Variants in OPCML observed in about 807,000 individuals in gnomAD.
OPCML encodes opioid binding protein/cell adhesion molecule like.
Under a neutral mutation model 37.8 loss-of-function variants are expected in OPCML, and 13 were observed. The ratio of observed to expected loss-of-function variants is 0.34; its 90% CI spans 0.22 to 0.55. OPCML has a LOEUF of 0.55. OPCML is among the 20% of genes least tolerant of loss of function. OPCML has a pLI of 0.91. For synonymous variants in OPCML, 176 were observed against 168.8 expected, an observed-to-expected ratio of 1.04 and a Z score of -0.33; for missense variants, 341 against 435.6, an observed-to-expected ratio of 0.78 and a Z score of 1.93.
At chr11:132,999,604 T>G (rs1372871051) in intron 1 of OPCML, among the ~76,000 whole-genome samples, 1 of 151,574 alleles carries the variant, frequency 6.6e-6, no homozygotes, top group Non-Finnish European at 1.5e-5. Flanking sequence ...AACAAAAGCT[T>G]TTTAACATTT....
chr11:132,898,425 G>T (rs960382127), intron 2 of OPCML, among the ~76,000 whole-genome samples: 3 of 152,158 alleles, frequency 2.0e-5, no homozygotes, highest in African/African-American at 7.2e-5. Flanking sequence ...TCACCTGACA[G>T]CCAAAGAAGT....
At chr11:132,649,915 A>T (rs113739666) in intron 3 of OPCML, among the ~76,000 whole-genome samples, 1 of 150,450 alleles carries the variant, frequency 6.6e-6, no homozygotes, top group African/African-American at 2.5e-5. Context: ...GCCCTCACAC[A>T]TACACGCACT....
At chr11:133,025,265 CTG>C in intron 1 of OPCML, 1 of 875,220 alleles carries the variant, frequency 1.1e-6, no homozygotes, top group Admixed American at 6.2e-5. Flanking sequence ...CTCTTCTCAC[CTG>C]TGAGTTGTAT....
intron 1 of OPCML, among the ~76,000 whole-genome samples, chr11:133,068,912 C>G (rs890396317): frequency 4.6e-5 from 7 of 152,146 alleles, no homozygotes; most frequent in Non-Finnish European, 8.8e-5. Context: ...AATCCTAAAG[C>G]AAGTGACTAG....
At chr11:132,884,926 T>C (rs1383501949) in intron 2 of OPCML, among the ~76,000 whole-genome samples, 4 of 152,152 alleles carry the variant, frequency 2.6e-5, no homozygotes, top group Non-Finnish European at 5.9e-5. Context: ...CTTAGTTACA[T>C]AGAGGTGCAC....
intron 2 of OPCML, among the ~76,000 whole-genome samples, chr11:132,886,530 A>G (rs938879880): frequency 1.3e-5 from 2 of 152,214 alleles, no homozygotes; most frequent in Non-Finnish European, 2.9e-5. Context: ...GTCTCTGGGT[A>G]ATCCGAGTTT....
chr11:132,926,667 G>C lies in OPCML; in HGVS notation c.146+16259C>G, dbSNP rs115023392. ...CAAATTTTCAACATAATGTCACTAGGCATACAAAGAAACAGTAAAATATGC... is the reference window on the plus strand; with the variant it reads ...CAAATTTTCAACATAATGTCACTAGCCATACAAAGAAACAGTAAAATATGC... On this transcript the variant is annotated intron_variant, in intron 2 of 7. Transcript: ENST00000524381. Among the ~76,000 whole-genome samples, 1,111 of 151,748 alleles carry C rather than the reference G, an allele frequency of 7.3e-3. 12 individuals are homozygous for C. Among genetic ancestry groups the C allele is most frequent in the African/African-American group, 0.026 (1,059 of 41,372 alleles).
At chr11:132,591,768 A>T (rs2096484825) in intron 3 of OPCML, among the ~76,000 whole-genome samples, 1 of 152,220 alleles carries the variant, frequency 6.6e-6, no homozygotes, top group Admixed American at 6.5e-5. Flanking sequence ...TTATCAGAGG[A>T]ATAAAAGGAA....
At chr11:132,456,164 C>T (rs1335033189) in intron 4 of OPCML, among the ~76,000 whole-genome samples, 1 of 152,154 alleles carries the variant, frequency 6.6e-6, no homozygotes, top group Non-Finnish European at 1.5e-5. Flanking sequence ...TCAGAGGAAA[C>T]CTTTGGCATT....
chr11:133,038,536 G>T (rs911448172), intron 1 of OPCML, among the ~76,000 whole-genome samples: 1 of 152,054 alleles, frequency 6.6e-6, no homozygotes, highest in Non-Finnish European at 1.5e-5. Flanking sequence ...AACTAAAATT[G>T]AGTTATTATA....
chr11:133,112,099 G>A (rs777333043), intron 1 of OPCML, among the ~76,000 whole-genome samples: 6 of 151,918 alleles, frequency 3.9e-5, no homozygotes, highest in Non-Finnish European at 7.4e-5. Flanking sequence ...ATGCATTTAT[G>A]TACTTTTATT....
chr11:132,458,098 C>A (rs562070549), intron 4 of OPCML, among the ~76,000 whole-genome samples: 3 of 152,070 alleles, frequency 2.0e-5, no homozygotes, highest in African/African-American at 7.2e-5. Context: ...CCTGAGTGGA[C>A]AGAGAAGGTC....
At chr11:132,673,628 C>T (rs976874512) in intron 2 of OPCML, among the ~76,000 whole-genome samples, 2 of 152,052 alleles carry the variant, frequency 1.3e-5, no homozygotes, top group Non-Finnish European at 2.9e-5. Flanking sequence ...ATTGGCTCCT[C>T]AGAGTTTGAG....
At chr11:133,391,111 G>C (rs989816645) in intron 1 of OPCML, among the ~76,000 whole-genome samples, 3 of 152,320 alleles carry the variant, frequency 2.0e-5, no homozygotes, top group South Asian at 4.1e-4. Context: ...GGAAAGAAAG[G>C]TCAAGCTGCG....
At chr11:132,630,395 T>C (rs986300599) in intron 3 of OPCML, among the ~76,000 whole-genome samples, 2 of 152,204 alleles carry the variant, frequency 1.3e-5, no homozygotes, top group Non-Finnish European at 2.9e-5. Flanking sequence ...CTGTCTCTAC[T>C]AAAAATACAA....
intron 4 of OPCML, among the ~76,000 whole-genome samples, chr11:132,481,237 G>A (rs1465398061): frequency 6.6e-6 from 1 of 152,062 alleles, no homozygotes; most frequent in Non-Finnish European, 1.5e-5. Flanking sequence ...GATCTACCAA[G>A]CAAATGGAAA....
At position 133,173,256 on chromosome 11, in the gene OPCML, A is replaced by G. The variant is rs1272531152; in HGVS notation, c.62-230246T>C. On this transcript the variant is annotated intron_variant, in intron 1 of 7. Coordinates refer to ENST00000524381, the MANE Select transcript of OPCML (RefSeq NM_001012393.5). The surrounding 1 kb of genome is among the most constrained non-coding windows in gnomAD (Gnocchi z 7.8). ...TCCACATAACTGTGAAGCATTTCTC[A>G]GAATGTTATCATTAACATTGTTACA... Among the ~76,000 whole-genome samples the G allele has an allele frequency of 6.6e-6, 1 of 152,226 alleles. No homozygotes were observed. Among genetic ancestry groups the G allele is most frequent in the Non-Finnish European group, 1.5e-5 (1 of 68,036 alleles).
At chr11:133,326,294 TGTGGGGGTGTGG>T (rs1343325440) in intron 1 of OPCML, among the ~76,000 whole-genome samples, 19 of 45,422 alleles carry the variant, frequency 4.2e-4, no homozygotes, top group African/African-American at 3.2e-3. Context: ...TGTGGGTGTG[TGTGGGGGTGTGG>T]GTATGTATAA....
At chr11:132,652,272 AC>A in intron 3 of OPCML, among the ~76,000 whole-genome samples, 1 of 151,872 alleles carries the variant, frequency 6.6e-6, no homozygotes, top group Admixed American at 6.6e-5. Flanking sequence ...TCCCACTCCC[AC>A]CACTAATTTT....
Sources: allele counts gnomAD v4.1 joint callset (sites outside exome capture counted in the v4.1 genomes callset), GRCh38; gene constraint gnomAD v4.1.1; non-coding constraint Gnocchi (gnomAD v3.1); transcripts MANE v1.5; gene names NCBI Gene and HGNC (gene_info 2026-07-23, HGNC 2026-07-21).